The following GPD2 variants were observed in gnomAD, a reference collection of about 807,000 sequenced individuals.
GPD2 encodes glycerol-3-phosphate dehydrogenase, mitochondrial.
Under a neutral mutation model 82.4 loss-of-function variants are expected in GPD2, and 54 were observed. That is an observed-to-expected ratio of 0.66 (90% CI 0.53 to 0.82). GPD2 has a LOEUF of 0.82. GPD2 is among the 40% of genes least tolerant of loss of function. The pLI is 0.00. For missense variants in GPD2, 748 were observed against 896.2 expected, an observed-to-expected ratio of 0.83 and a Z score of 2.11; for synonymous variants, 288 against 306.1, an observed-to-expected ratio of 0.94 and a Z score of 0.62.
intron 2 of GPD2, among the ~76,000 whole-genome samples, chr2:156,483,536 T>TA (rs760426105): frequency 6.6e-5 from 10 of 151,592 alleles, no homozygotes; most frequent in Non-Finnish European, 1.3e-4. Flanking sequence ...CATCAGAGTT[T>TA]AAAAAAAAAT....
At chr2:156,462,884 A>G (rs1683038254) in intron 1 of GPD2, among the ~76,000 whole-genome samples, 1 of 152,202 alleles carries the variant, frequency 6.6e-6, no homozygotes, top group South Asian at 2.1e-4. Context: ...TGACGAGTTA[A>G]TGGGTGCAGC....
chr2:156,457,621 A>G (rs1474270407), intron 1 of GPD2, among the ~76,000 whole-genome samples: 1 of 152,220 alleles, frequency 6.6e-6, no homozygotes, highest in Admixed American at 6.5e-5. Context: ...CAGGGAAACA[A>G]TGGGATTTAT....
chr2:156,467,504 A>G (rs932610362), intron 1 of GPD2, among the ~76,000 whole-genome samples: 1 of 152,112 alleles, frequency 6.6e-6, no homozygotes, highest in Non-Finnish European at 1.5e-5. Flanking sequence ...TATCCTGTTC[A>G]GTGTATATAT....
the GPD2 span, among the ~76,000 whole-genome samples, chr2:156,425,242 G>T: frequency 1.3e-5 from 2 of 152,078 alleles, no homozygotes; most frequent in African/African-American, 2.4e-5. Context: ...GGGATTACAG[G>T]TGCATACCAC....
At chr2:156,538,807 C>G (rs1286547124) in intron 6 of GPD2, among the ~76,000 whole-genome samples, 1 of 96,904 alleles carries the variant, frequency 1.0e-5, no homozygotes, top group Non-Finnish European at 1.9e-5. Flanking sequence ...TGCAACAGAG[C>G]AAGACTGCAT....
At chr2:156,564,176 C>A (rs868682452) in intron 9 of GPD2, among the ~76,000 whole-genome samples, 3 of 152,144 alleles carry the variant, frequency 2.0e-5, no homozygotes, top group Middle Eastern at 3.4e-3. Context: ...ACACAACAAG[C>A]CTCAAGAGGT....
chr2:156,439,452 C>T (rs1360555695), intron 1 of GPD2, among the ~76,000 whole-genome samples: 1 of 136,160 alleles, frequency 7.3e-6, no homozygotes, highest in Non-Finnish European at 1.5e-5. Flanking sequence ...CATGGTGGCA[C>T]GTGCCTGTAG....
intron 1 of GPD2, among the ~76,000 whole-genome samples, chr2:156,450,082 C>G (rs1682501609): frequency 6.6e-6 from 1 of 152,078 alleles, no homozygotes; most frequent in African/African-American, 2.4e-5. Flanking sequence ...GTTGGGTGAA[C>G]TTGCCTGCTA....
intron 2 of GPD2, among the ~76,000 whole-genome samples, chr2:156,493,958 G>GTGTGTGTGTGTGTGTGTGTA (rs60643688): frequency 3.9e-4 from 56 of 143,518 alleles, no homozygotes; most frequent in East Asian, 8.4e-4. Context: ...GTGTGTGTGT[G>GTGTGTGTGTGTGTGTGTGTA]TATAATTTTT....
chr2:156,473,311 A>G (rs762830843), intron 1 of GPD2, among the ~76,000 whole-genome samples: 2 of 152,232 alleles, frequency 1.3e-5, no homozygotes, highest in Non-Finnish European at 2.9e-5. Context: ...AAAATGCATG[A>G]AAATATCTTC....
chr2:156,491,530 A>G (rs1684174557), intron 2 of GPD2, among the ~76,000 whole-genome samples: 1 of 152,186 alleles, frequency 6.6e-6, no homozygotes, highest in South Asian at 2.1e-4. Context: ...TCCGTTTATT[A>G]TTCCATTGCT....
intron 1 of GPD2, among the ~76,000 whole-genome samples, chr2:156,444,706 G>T (rs949368471): frequency 8.9e-6 from 1 of 111,780 alleles, no homozygotes; most frequent in African/African-American, 3.1e-5. Flanking sequence ...GAACAAGACT[G>T]TCTCAAAAAC....
intron 3 of GPD2, among the ~76,000 whole-genome samples, chr2:156,498,499 C>T (rs1284168723): frequency 6.6e-6 from 1 of 152,128 alleles, no homozygotes; most frequent in East Asian, 1.9e-4. Flanking sequence ...GCAGGAGGAA[C>T]AGCGTGGAAT....
intron 6 of GPD2, among the ~76,000 whole-genome samples, chr2:156,538,467 A>G (rs1686165229): frequency 6.8e-6 from 1 of 147,266 alleles, no homozygotes; most frequent in Non-Finnish European, 1.5e-5. Context: ...CAGATGACTC[A>G]GATTGCTGTT....
At chr2:156,538,013 G>A (rs6436493) in intron 6 of GPD2, among the ~76,000 whole-genome samples, 106,389 of 151,692 alleles carry the variant, frequency 0.7, 37,460 homozygotes, top group Middle Eastern at 0.82. Context: ...CTAGCATAGT[G>A]CTAGATGTAT....
intron 6 of GPD2, among the ~76,000 whole-genome samples, chr2:156,520,759 G>GT (rs1287499755): frequency 6.6e-6 from 1 of 151,564 alleles, no homozygotes; most frequent in Non-Finnish European, 1.5e-5. Flanking sequence ...TAATTTTTTT[G>GT]TATTTCAGTA....
intron 8 of GPD2, among the ~76,000 whole-genome samples, chr2:156,557,093 A>G (rs1332782708): frequency 3.9e-5 from 6 of 152,208 alleles, no homozygotes; most frequent in Admixed American, 1.3e-4. Flanking sequence ...TGAAACTCAA[A>G]CAGTAGGAAG....
At chr2:156,502,968 C>T (rs1049170980) in intron 3 of GPD2, among the ~76,000 whole-genome samples, 16 of 151,546 alleles carry the variant, frequency 1.1e-4, no homozygotes, top group Non-Finnish European at 2.4e-4. Flanking sequence ...AGTTTTGTTT[C>T]ATGCTCTTTT....
chr2:156,450,326 T>G (rs906946563), intron 1 of GPD2, among the ~76,000 whole-genome samples: 1 of 152,138 alleles, frequency 6.6e-6, no homozygotes, highest in African/African-American at 2.4e-5. Context: ...GGATACAGAC[T>G]TAGGAATTAT....
Sources: gnomAD v4.1 joint callset for allele counts (sites outside exome capture counted in the v4.1 genomes callset) on GRCh38, gnomAD v4.1.1 for gene constraint, MANE v1.5 for transcripts, NCBI Gene and HGNC (gene_info 2026-07-23, HGNC 2026-07-21) for gene names.